Variants in RASA1 observed in about 807,000 individuals in gnomAD.
RASA1 encodes ras GTPase-activating protein 1.
In RASA1, 25 loss-of-function variants were observed where a neutral mutation model predicts 132.2. That is an observed-to-expected ratio of 0.19 (90% confidence interval 0.14 to 0.26). The LOEUF is 0.26. RASA1 is among the 10% of genes least tolerant of loss of function. RASA1 has a pLI of 1.00. For synonymous variants in RASA1, 477 were observed against 449.9 expected, an observed-to-expected ratio of 1.06 and a Z score of -0.76; for missense variants, 964 against 1,299.2, an observed-to-expected ratio of 0.74 and a Z score of 3.97.
intron 4 of RASA1, among the ~76,000 whole-genome samples, chr5:87,334,920 G>GT (rs1757855623): frequency 6.6e-6 from 1 of 151,606 alleles, no homozygotes; most frequent in African/African-American, 2.4e-5. Flanking sequence ...ATCTTGCTCT[G>GT]TTACCCAGGC....
chr5:87,362,668 A>G lies in RASA1; in HGVS notation c.1450A>G (p.Lys484Glu). Residue 484 changes from lysine to glutamate, a missense_variant, in exon 10 of 25, where the codon AAG (lysine) becomes GAG (glutamate). Physicochemically the swap from Lys to Glu is moderately conservative, Grantham distance 56. Coordinates refer to ENST00000274376, the MANE Select transcript of RASA1 (RefSeq NM_002890.3). ...NIVKKGYLLK[K>E]GKGKRWKNLY... is the part of the protein sequence containing the mutation. ...TGTTAAGAAAGGTTATCTTCTGAAA[A>G]AGGGTAAGTTCAGACTTTTATCATT... 6.2e-7 allele frequency: 1 copy of G among 1,606,004 alleles called. No homozygotes were observed.
chr5:87,374,503 AGTGCT>A (rs1379448477), intron 14 of RASA1, among the ~76,000 whole-genome samples, 183 bp downstream of exon 14: 1 of 145,708 alleles, frequency 6.9e-6, no homozygotes, highest in Non-Finnish European at 1.5e-5. Context: ...TTATTTGTGA[AGTGCT>A]ATGCCCTTGG....
intron 1 of RASA1, among the ~76,000 whole-genome samples, chr5:87,304,948 T>G (rs1322250012): frequency 2.7e-5 from 4 of 148,968 alleles, no homozygotes; most frequent in African/African-American, 4.9e-5. Flanking sequence ...CCTTTTTTTT[T>G]TTTTTTTTTT....
intron 1 of RASA1, among the ~76,000 whole-genome samples, chr5:87,280,635 T>C (rs187881544): frequency 1.3e-4 from 20 of 152,324 alleles, no homozygotes; most frequent in Admixed American, 5.9e-4. Flanking sequence ...TCATGTGCTT[T>C]TTCCATCTGT....
In RASA1 at chr5:87,271,691, C is replaced by G. The variant is rs187319815; in HGVS notation, c.539+2701C>G. Among the ~76,000 whole-genome samples, 7 of 151,754 alleles carry G rather than the reference C, an allele frequency of 4.6e-5. No homozygotes were observed. In the East Asian group the frequency reaches 1.4e-3, roughly 29 times the overall value. ...AGAGACAGGGTTTTGCCATGTTGGC[C>G]AGGCTGGTCTCGAACTCTGACCTCA... On this transcript the variant is annotated intron_variant, in intron 1 of 24. Coordinates refer to ENST00000274376, the MANE Select transcript of RASA1 (RefSeq NM_002890.3).
At chr5:87,269,100 GT>G in intron 1 of RASA1, 110 bp downstream of exon 1, 1 of 1,613,740 alleles carries the variant, frequency 6.2e-7, no homozygotes, top group East Asian at 2.2e-5. Context: ...GTTAGGAAAA[GT>G]TTTTGAAGTT....
intron 11 of RASA1, among the ~76,000 whole-genome samples, chr5:87,365,968 G>A (rs1760483668): frequency 6.6e-6 from 1 of 152,072 alleles, no homozygotes; most frequent in Non-Finnish European, 1.5e-5. Context: ...AGTTGCATGT[G>A]TTTTCAGTTT....
intron 8 of RASA1, among the ~76,000 whole-genome samples, chr5:87,351,061 C>T (rs898827955): frequency 6.6e-5 from 10 of 151,566 alleles, no homozygotes; most frequent in Non-Finnish European, 4.4e-5. Context: ...CACAGCCATA[C>T]TCTGCTGTCC....
intron 1 of RASA1, among the ~76,000 whole-genome samples, chr5:87,321,290 C>T (rs550577374): frequency 2.6e-5 from 4 of 152,276 alleles, no homozygotes; most frequent in Non-Finnish European, 5.9e-5. Context: ...CTTCTGTGTC[C>T]AAATGCACAG....
intron 1 of RASA1, among the ~76,000 whole-genome samples, chr5:87,314,777 G>C (rs887866165): frequency 1.3e-5 from 2 of 152,102 alleles, no homozygotes; most frequent in Non-Finnish European, 2.9e-5. Context: ...TGTTAGTTGA[G>C]ATATCCAGAT....
chr5:87,344,629 G>A (rs774544080), intron 6 of RASA1, among the ~76,000 whole-genome samples: 4 of 151,276 alleles, frequency 2.6e-5, no homozygotes, highest in African/African-American at 4.9e-5. Flanking sequence ...TGAGCCTCCC[G>A]AGTAGCTGAG....
At chr5:87,285,774 A>G (rs1208405966) in intron 1 of RASA1, among the ~76,000 whole-genome samples, 3 of 151,114 alleles carry the variant, frequency 2.0e-5, no homozygotes, top group East Asian at 2.0e-4. Context: ...GCACACCACC[A>G]CGCCCAGCTA....
Position 87,268,744 on chromosome 5 carries a change from CTGCTGCTGGCGTGGCCGGTGCTGCTGT to C in RASA1, c.299_325del (p.Ala100_Ala108del), listed in dbSNP as rs760286574. 2 of 1,613,334 alleles carry C rather than the reference CTGCTGCTGGCGTGGCCGGTGCTGCTGT, an allele frequency of 1.2e-6. No individual in the cohort carries two copies. Among genetic ancestry groups the C allele is most frequent in the Admixed American group, 3.3e-5 (2 of 59,892 alleles). On this transcript the variant is annotated inframe_deletion, in exon 1 of 25. Transcript: ENST00000274376. ...GGTACTGCTGCTGGCGTAGCTGGTG[CTGCTGCTGGCGTGGCCGGTGCTGCTGT>C]TGCTGGACCTAGTGGAGACATGGCT...
intron 8 of RASA1, among the ~76,000 whole-genome samples, chr5:87,350,486 A>G (rs1759183177): frequency 6.6e-6 from 1 of 151,856 alleles, no homozygotes; most frequent in Non-Finnish European, 1.5e-5. Flanking sequence ...TTTTAAAGAT[A>G]AAATAATTTA....
rs984731471 is a variant in RASA1, at chr5:87,381,589, T to G, written c.2690+994T>G. ...GTCAAGGGGCTTCTATTTCTTTTTT[T>G]GGGGGGCAGGTAATATTTCTCTTGG... On this transcript the variant is annotated intron_variant, in intron 20 of 24. Coordinates refer to ENST00000274376, the MANE Select transcript of RASA1 (RefSeq NM_002890.3). Among the ~76,000 whole-genome samples the G allele has an allele frequency of 8.5e-5, 13 of 152,300 alleles. No individual in the cohort carries two copies. In the East Asian group the frequency reaches 9.6e-4, roughly 11 times the overall value.
intron 1 of RASA1, among the ~76,000 whole-genome samples, chr5:87,298,755 T>C (rs1409136143): frequency 6.6e-6 from 1 of 152,246 alleles, no homozygotes; most frequent in African/African-American, 2.4e-5. Flanking sequence ...TTTGCTGATG[T>C]ATTTAATCAA....
chr5:87,359,372 G>C (rs1182022890), intron 9 of RASA1, among the ~76,000 whole-genome samples: 1 of 152,162 alleles, frequency 6.6e-6, no homozygotes, highest in Non-Finnish European at 1.5e-5. Context: ...AACACGTAGA[G>C]AAGCCTTTCT....
chr5:87,377,509 A>G (rs1761407039), intron 17 of RASA1, among the ~76,000 whole-genome samples: 1 of 151,454 alleles, frequency 6.6e-6, no homozygotes, highest in South Asian at 2.1e-4. Context: ...TTTTTATTTT[A>G]TTTTTTTAGT....
intron 1 of RASA1, among the ~76,000 whole-genome samples, chr5:87,305,028 G>T (rs1755545808): frequency 7.0e-6 from 1 of 142,624 alleles, no homozygotes; most frequent in African/African-American, 2.6e-5. Flanking sequence ...TGTTTTTGAA[G>T]GATATTGTTT....
Sources: allele counts gnomAD v4.1 joint callset (sites outside exome capture counted in the v4.1 genomes callset), GRCh38; gene constraint gnomAD v4.1.1; transcripts MANE v1.5; gene names NCBI Gene and HGNC (gene_info 2026-07-23, HGNC 2026-07-21).